The following CAPZA1 variants were observed in gnomAD, a reference collection of about 807,000 sequenced individuals.
CAPZA1 encodes F-actin-capping protein subunit alpha-1.
CAPZA1 carries 10 observed loss-of-function variants against 40.8 expected under a neutral mutation model. The observed-to-expected ratio is 0.25, with a 90% CI of 0.15 to 0.42. CAPZA1 has a LOEUF of 0.42. Among genes scored for constraint, CAPZA1 ranks in the 10% least tolerant of loss-of-function variants. The probability of loss-of-function intolerance (pLI) is 1.00; values close to 1 mark genes in which losing one functional copy is unlikely to be tolerated. For missense variants in CAPZA1, 277 were observed against 353.8 expected (o/e 0.78, Z 1.74); for synonymous variants, 98 against 115.0 (o/e 0.85, Z 0.95).
Position 112,656,344 on chromosome 1 carries a change from AGTAATATAT to A in CAPZA1, c.426+1684_426+1692del, listed in dbSNP as rs1022220303. 7.9e-5 allele frequency among the ~76,000 whole-genome samples: 12 copies of A among 151,918 alleles called. No homozygotes were observed. In the South Asian group the frequency reaches 8.3e-4, roughly 11 times the overall value. ...AGTTGTTGTGAAGATTTAATGAATT[AGTAATATAT>A]GTAATATATGCCTGGAACAGTGCCT... On this transcript the variant is annotated intron_variant, in intron 5 of 9. Transcript: ENST00000263168.
At position 112,653,611 on chromosome 1, in the gene CAPZA1, T is replaced by C. The variant is rs1671443351; in HGVS notation, c.169T>C (p.Tyr57His). The C allele has an allele frequency of 1.3e-6, 2 of 1,589,448 alleles. No individual in the cohort carries two copies. The highest frequency in any genetic ancestry group is 1.7e-6 in the Non-Finnish European group (2 of 1,167,906). The change falls in exon 4 of 10, where the codon TAT (tyrosine) becomes CAT (histidine). Residue 57 changes from tyrosine to histidine, a missense_variant. This residue lies in a region of CAPZA1 where 85 missense variants were observed against 76.5 expected (regional missense o/e 1.11). Transcript: ENST00000263168. ...AAAAAAAAACAGTGCATTTGCCCAGTATAACATGGATCAGTTCACGCCTGT... is the reference window on the plus strand; with the variant it reads ...AAAAAAAAACAGTGCATTTGCCCAGCATAACATGGATCAGTTCACGCCTGT... ...REGAAHAFAQYNMDQFTPVKI... is the reference protein window; with the variant it reads ...REGAAHAFAQHNMDQFTPVKI...
At chr1:112,653,016 C>G (rs1169847378) in intron 3 of CAPZA1, among the ~76,000 whole-genome samples, 2 of 152,146 alleles carry the variant, frequency 1.3e-5, no homozygotes, top group Non-Finnish European at 2.9e-5. Context: ...ATGTCAGATG[C>G]CTTCTGACAT....
At chr1:112,638,224 A>G (rs144514321) in intron 1 of CAPZA1, among the ~76,000 whole-genome samples, 2 of 152,336 alleles carry the variant, frequency 1.3e-5, no homozygotes, top group East Asian at 3.9e-4. Context: ...GGAACAAGAA[A>G]TATACCCTGA....
At chr1:112,655,032 A>G (rs1252996866) in intron 5 of CAPZA1, among the ~76,000 whole-genome samples, 1 of 151,856 alleles carries the variant, frequency 6.6e-6, no homozygotes, top group East Asian at 1.9e-4. Flanking sequence ...ACCCAGATCT[A>G]AAAGGTCTTT....
intron 7 of CAPZA1, among the ~76,000 whole-genome samples, chr1:112,666,690 G>C (rs779610767): frequency 5.9e-5 from 9 of 152,112 alleles, no homozygotes; most frequent in Admixed American, 2.6e-4. Flanking sequence ...TAGGTATGAG[G>C]ATCCATTAAA....
chr1:112,660,733 A>G (rs1241667500), intron 7 of CAPZA1, among the ~76,000 whole-genome samples: 2 of 152,164 alleles, frequency 1.3e-5, no homozygotes, highest in African/African-American at 4.8e-5. Flanking sequence ...AGCCTCACTA[A>G]CTGTAAGGTC....
At chr1:112,647,693 T>C (rs995048135) in intron 2 of CAPZA1, among the ~76,000 whole-genome samples, 1 of 152,246 alleles carries the variant, frequency 6.6e-6, no homozygotes, top group African/African-American at 2.4e-5. Context: ...CTGGGGAGCT[T>C]ATTAAATATG....
chr1:112,628,524 G>A (rs1475258567), intron 1 of CAPZA1, among the ~76,000 whole-genome samples: 1 of 152,152 alleles, frequency 6.6e-6, no homozygotes, highest in Non-Finnish European at 1.5e-5. Flanking sequence ...ATGGAGCATA[G>A]AATTAGAACA....
intron 1 of CAPZA1, among the ~76,000 whole-genome samples, chr1:112,622,772 A>C (rs1300482533): frequency 6.6e-6 from 1 of 152,228 alleles, no homozygotes; most frequent in Non-Finnish European, 1.5e-5. Context: ...TAGTGGTGTT[A>C]AGGCATTTTT....
chr1:112,669,846 G>A, intron 9 of CAPZA1, 146 bp from the exon 10 acceptor site: 1 of 899,706 alleles, frequency 1.1e-6, no homozygotes, highest in East Asian at 2.6e-5. Context: ...CTACTTCAGA[G>A]ATTGGAGAGG....
In CAPZA1 at chr1:112,654,592, G is replaced by A. The variant is rs768605114; in HGVS notation, c.347G>A (p.Gly116Asp). The A allele has an allele frequency of 2.5e-6, 4 of 1,613,998 alleles. No homozygotes were observed. Among genetic ancestry groups the A allele is most frequent in the African/African-American group, 2.7e-5 (2 of 75,042 alleles). Residue 116 changes from glycine to aspartate, a missense_variant, in exon 5 of 10, where the codon GGT (glycine) becomes GAT (aspartate). This residue lies in a region of CAPZA1 where 192 missense variants were observed against 277.2 expected (regional missense o/e 0.69). Transcript: ENST00000263168. ...CCCCAGCCAGAAGAAGCAGATGGAG[G>A]TCTGAAGTCTTGGAGAGAATCCTGT... ...SDPQPEEADG[G>D]LKSWRESCDS...
chr1:112,640,413 C>T (rs1480130915), intron 1 of CAPZA1, among the ~76,000 whole-genome samples: 29 of 111,870 alleles, frequency 2.6e-4, no homozygotes, highest in South Asian at 5.8e-4. Flanking sequence ...AGGTGAGGGG[C>T]GCCTCTGCCC....
intron 1 of CAPZA1, among the ~76,000 whole-genome samples, chr1:112,630,960 G>A (rs1295466356): frequency 1.3e-5 from 2 of 152,118 alleles, no homozygotes; most frequent in Non-Finnish European, 2.9e-5. Context: ...TTAAGGTAGT[G>A]GCTGTCAACC....
rs184978953 is a variant in CAPZA1, at chr1:112,624,428, G to C, written c.39+4545G>C. 8.2e-3 allele frequency among the ~76,000 whole-genome samples: 1,249 copies of C among 151,994 alleles called. 19 individuals carry two copies. The highest frequency in any genetic ancestry group is 0.029 in the African/African-American group (1,186 of 41,442). On this transcript the variant is annotated intron_variant, in intron 1 of 9. Transcript: ENST00000263168. The stretch of plus-strand genomic sequence containing the variant: ...GTTAGAGACCAGCCTGACCAACACG[G>C]TGAAACCCTGTCTCTATTAAAAATA...
In CAPZA1 at chr1:112,653,577, A is replaced by T. The variant is rs200770535; in HGVS notation, c.156-21A>T. The T allele has an allele frequency of 4.0e-4, 582 of 1,472,280 alleles. 3 individuals are homozygous for T. The African/African-American group carries it at 7.1e-3, about 18-fold the overall frequency. The allele number at this position is 1,472,280 out of a possible 1,614,324, so 91.2% of individuals were successfully genotyped here. ...TCCCTCTTTTTTTTTTTTTTTTTAAAAAACTTTTAAAAAAAAACAGTGCAT... is the reference window on the plus strand; with the variant it reads ...TCCCTCTTTTTTTTTTTTTTTTTAATAAACTTTTAAAAAAAAACAGTGCAT... On this transcript the variant is annotated intron_variant, in intron 3 of 9. Transcript: ENST00000263168.
At chr1:112,621,765 T>G (rs1049030140) in intron 1 of CAPZA1, among the ~76,000 whole-genome samples, 46 of 148,706 alleles carry the variant, frequency 3.1e-4, no homozygotes, top group African/African-American at 6.2e-4. Context: ...GTTATGGTTT[T>G]TTTTTTTTTT....
chr1:112,625,049 C>A (rs1003959089), intron 1 of CAPZA1, among the ~76,000 whole-genome samples: 4 of 152,192 alleles, frequency 2.6e-5, no homozygotes, highest in African/African-American at 7.2e-5. Context: ...ATTCTCATAT[C>A]TCTCCAGTTC....
At chr1:112,642,415 C>G (rs1671189288) in intron 1 of CAPZA1, among the ~76,000 whole-genome samples, 1 of 151,618 alleles carries the variant, frequency 6.6e-6, no homozygotes, top group Non-Finnish European at 1.5e-5. Flanking sequence ...TGGGGTTTCA[C>G]CATCTTGGCC....
chr1:112,647,155 CT>C, intron 1 of CAPZA1, 54 bp from the exon 2 acceptor site: 2 of 809,224 alleles, frequency 2.5e-6, no homozygotes, highest in Non-Finnish European at 3.8e-6. Flanking sequence ...ATTATTTCTC[CT>C]TTTATATGTT....
Sources: allele counts gnomAD v4.1 joint callset (sites outside exome capture counted in the v4.1 genomes callset), GRCh38; gene constraint gnomAD v4.1.1; regional missense constraint gnomAD v4.1.1; transcripts MANE v1.5; gene names NCBI Gene and HGNC (gene_info 2026-07-23, HGNC 2026-07-21).